The following NOS1 variants were observed in gnomAD, a reference collection of about 807,000 sequenced individuals.
The protein encoded by NOS1 is nitric oxide synthase 1.
Under a neutral mutation model 164.5 loss-of-function variants are expected in NOS1, and 51 were observed. The ratio of observed to expected loss-of-function variants is 0.31; its 90% confidence interval spans 0.25 to 0.39. NOS1 has a LOEUF of 0.39. Ranked by LOEUF, NOS1 falls within the 10% of genes least tolerant of loss-of-function variation. The pLI is 1.00. For missense variants in NOS1, 1,362 were observed against 1,885.6 expected (o/e 0.72, Z 5.14); for synonymous variants, 719 against 745.8 (o/e 0.96, Z 0.59).
chr12:117,270,475 T>G (rs1178989089), intron 10 of NOS1, among the ~76,000 whole-genome samples: 1 of 151,924 alleles, frequency 6.6e-6, no homozygotes, highest in Non-Finnish European at 1.5e-5. Context: ...AGCGACACAT[T>G]TGTGGGAAGT....
Position 117,227,440 on chromosome 12 carries a change from G to T in NOS1, c.3607C>A (p.Arg1203Ser), listed in dbSNP as rs771907015. Residue 1203 changes from arginine (R) to serine (S), a missense_variant, in exon 23 of 29, where the codon CGC (arginine) becomes AGC (serine). Physicochemically the swap from Arg to Ser is moderately radical, Grantham distance 110. Transcript: ENST00000317775. The part of the protein sequence containing the change: ...VHLTVAIVSY[R>S]TRDGEGPIHH... ...CAGTGCCTCCGCCCACCTCGAGTGC[G>T]GTAGGAAACGATGGCCACAGTGAGG... 2 of 1,613,866 alleles carry T rather than the reference G, an allele frequency of 1.2e-6. No homozygotes were observed. The highest frequency in any genetic ancestry group is 1.3e-5 in the African/African-American group (1 of 75,040).
chr12:117,259,833 G>A (rs891324752), intron 14 of NOS1, among the ~76,000 whole-genome samples: 1 of 152,000 alleles, frequency 6.6e-6, no homozygotes, highest in Non-Finnish European at 1.5e-5. Context: ...GAAAACCATC[G>A]AGCTGGCCGG....
intron 1 of NOS1, among the ~76,000 whole-genome samples, chr12:117,360,902 G>A (rs1877111280): frequency 1.3e-5 from 2 of 152,294 alleles, no homozygotes; most frequent in African/African-American, 4.8e-5. Context: ...CCAAGCGCGC[G>A]GCTGAGGAAC....
intron 18 of NOS1, among the ~76,000 whole-genome samples, chr12:117,246,471 G>C (rs949751411): frequency 6.6e-6 from 1 of 152,116 alleles, no homozygotes; most frequent in African/African-American, 2.4e-5. Context: ...AGGTATAAAT[G>C]TAATTCATAT....
At chr12:117,292,643 G>C (rs1873137641) in intron 3 of NOS1, among the ~76,000 whole-genome samples, 1 of 152,216 alleles carries the variant, frequency 6.6e-6, no homozygotes, top group Non-Finnish European at 1.5e-5. Context: ...CAAGATTGTA[G>C]AGCTAATAAG....
intron 3 of NOS1, among the ~76,000 whole-genome samples, chr12:117,297,930 C>T (rs916753173): frequency 1.3e-5 from 2 of 152,110 alleles, no homozygotes; most frequent in Admixed American, 1.3e-4. Context: ...AGACATACAA[C>T]ATCTTAGGAG....
intron 1 of NOS1, among the ~76,000 whole-genome samples, chr12:117,361,154 C>A (rs1219681129): frequency 6.6e-6 from 1 of 152,032 alleles, no homozygotes; most frequent in South Asian, 2.1e-4. Context: ...AGCGCCGAGG[C>A]TGCCTCTTCG....
intron 17 of NOS1, among the ~76,000 whole-genome samples, chr12:117,247,881 G>C (rs9658461): frequency 2.7e-3 from 408 of 150,828 alleles, no homozygotes; most frequent in African/African-American, 8.5e-3. Flanking sequence ...GGGAGGCGGA[G>C]CTTATAGTGA....
At chr12:117,238,934 C>A (rs1403578238) in intron 20 of NOS1, among the ~76,000 whole-genome samples, 7 of 152,292 alleles carry the variant, frequency 4.6e-5, no homozygotes, top group South Asian at 2.1e-4. Flanking sequence ...TTTTTAGACA[C>A]AAGCTTAGAA....
Position 117,234,106 on chromosome 12 carries a change from T to C in NOS1, c.3235+459A>G, listed in dbSNP as rs1262076548. Among the ~76,000 whole-genome samples, 1 of 152,152 alleles carries C rather than the reference T, an allele frequency of 6.6e-6. No individual in the cohort carries two copies. Among genetic ancestry groups the C allele is most frequent in the Non-Finnish European group, 1.5e-5 (1 of 68,034 alleles). On this transcript the variant is annotated intron_variant, in intron 21 of 28. Coordinates refer to ENST00000317775, the MANE Select transcript of NOS1 (RefSeq NM_000620.5). This position sits in a 1 kb window ranked among gnomAD's most constrained non-coding sequence, Gnocchi z 4.3. ...CACTTAAGCAGGCGAGAACTTGACC[T>C]AATGAGGTAAAAAACGTGGGCTCAA...
chr12:117,213,017 T>A lies in NOS1; in HGVS notation c.*2292A>T. 1.0e-6 allele frequency: 1 copy of A among 985,464 alleles called. No individual in the cohort carries two copies. Among genetic ancestry groups the A allele is most frequent in the Non-Finnish European group, 1.2e-6 (1 of 829,942 alleles). The allele number at this position is 985,464 out of a possible 1,614,324, so 61.0% of individuals were successfully genotyped here. On this transcript the variant is annotated 3_prime_UTR_variant, in exon 29 of 29. Transcript: ENST00000317775. The stretch of plus-strand genomic sequence containing the variant: ...GGATGAATCCTGGTTTTATAATCAT[T>A]TCTTTGGACTCCTTGACAAAATGAG...
intron 8 of NOS1, among the ~76,000 whole-genome samples, chr12:117,279,197 T>C (rs1049039019): frequency 6.6e-6 from 1 of 151,864 alleles, no homozygotes; most frequent in African/African-American, 2.4e-5. Flanking sequence ...GCCAACATGG[T>C]GAAACCCTAT....
intron 1 of NOS1, among the ~76,000 whole-genome samples, chr12:117,353,670 A>G (rs1876734955): frequency 6.6e-6 from 1 of 152,238 alleles, no homozygotes; most frequent in African/African-American, 2.4e-5. Flanking sequence ...AGCATCATGT[A>G]GGCTGGTTCC....
At chr12:117,263,575 CTATTATTAT>C (rs71099036) in intron 13 of NOS1, among the ~76,000 whole-genome samples, 5,377 of 141,826 alleles carry the variant, frequency 0.038, 228 homozygotes, top group African/African-American at 0.1. Context: ...CAAGGTATTA[CTATTATTAT>C]TATTATTATT....
chr12:117,280,071 G>C (rs555268739), intron 8 of NOS1, among the ~76,000 whole-genome samples: 1 of 152,318 alleles, frequency 6.6e-6, no homozygotes, highest in African/African-American at 2.4e-5. Context: ...TGCTTGTGCT[G>C]TCATGTGGGC....
intron 1 of NOS1, among the ~76,000 whole-genome samples, chr12:117,344,015 T>C (rs534488151): frequency 6.6e-6 from 1 of 152,320 alleles, no homozygotes; most frequent in South Asian, 2.1e-4. Flanking sequence ...ATATGTCAGA[T>C]ATACCAGTAA....
chr12:117,319,137 G>A (rs773191410), intron 2 of NOS1, among the ~76,000 whole-genome samples: 5 of 152,116 alleles, frequency 3.3e-5, no homozygotes, highest in Admixed American at 1.3e-4. Context: ...ATGCAGCCTC[G>A]AACTTCTGGG....
intron 18 of NOS1, among the ~76,000 whole-genome samples, chr12:117,246,373 C>A (rs911466984): frequency 2.0e-5 from 3 of 152,138 alleles, no homozygotes; most frequent in Non-Finnish European, 4.4e-5. Flanking sequence ...TGGACTCAAG[C>A]AATCCTCCTG....
intron 2 of NOS1, among the ~76,000 whole-genome samples, chr12:117,317,993 G>A (rs1874743968): frequency 6.6e-6 from 1 of 152,118 alleles, no homozygotes; most frequent in South Asian, 2.1e-4. Context: ...GCAACAAAGT[G>A]AGATCCTGTC....
Sources: allele counts gnomAD v4.1 joint callset (sites outside exome capture counted in the v4.1 genomes callset), GRCh38; gene constraint gnomAD v4.1.1; non-coding constraint Gnocchi (gnomAD v3.1); transcripts MANE v1.5; gene names NCBI Gene and HGNC (gene_info 2026-07-23, HGNC 2026-07-21).